The following IL4I1 variants were observed in gnomAD, a reference collection of about 807,000 sequenced individuals.
IL4I1 encodes interleukin 4 induced 1.
IL4I1 carries 24 observed loss-of-function variants against 29.7 expected under a neutral mutation model. The observed-to-expected ratio is 0.81, with a 90% confidence interval of 0.59 to 1.14. The LOEUF (loss-of-function observed/expected upper bound fraction) is 1.14. Ranked by LOEUF, IL4I1 falls within the 50% of genes most tolerant of loss-of-function variation. The probability of loss-of-function intolerance (pLI) is 0.00; values close to 1 mark genes in which losing one functional copy is unlikely to be tolerated. For missense variants in IL4I1, 686 were observed against 785.6 expected, an observed-to-expected ratio of 0.87 and a Z score of 1.52; for synonymous variants, 371 against 352.5, an observed-to-expected ratio of 1.05 and a Z score of -0.59.
At chr19:49,908,948 GTGC>G (rs4031026) in intron 2 of IL4I1, 85 of 1,605,948 alleles carry the variant, frequency 5.3e-5, no homozygotes, top group East Asian at 2.0e-4. Flanking sequence ...AAAGCCGGTG[GTGC>G]TGCTGCTGCT....
In IL4I1 at chr19:49,914,498, C is replaced by A. The variant is rs566662170; in HGVS notation, c.-227-10177G>T. 9.2e-5 allele frequency among the ~76,000 whole-genome samples: 14 copies of A among 152,288 alleles called. No homozygotes were observed. In the South Asian group the frequency reaches 2.7e-3, roughly 29 times the overall value. ...AGCCGCCAGTCCCTTCCCTTCCTGC[C>A]TGCCTGCCCCAACATTTACCCTTGA... On this transcript the variant is annotated intron_variant, in intron 2 of 9. Transcript: ENST00000341114.
upstream of IL4I1, among the ~76,000 whole-genome samples, chr19:49,899,782 C>G (rs1042255872): frequency 6.6e-6 from 1 of 152,140 alleles, no homozygotes; most frequent in Non-Finnish European, 1.5e-5. Flanking sequence ...GTCTCAATCT[C>G]CTGACTTTGT....
At position 49,907,470 on chromosome 19, in the gene IL4I1, T is replaced by C. The variant is rs1180117278; in HGVS notation, c.-227-3149A>G. 2.7e-5 allele frequency: 12 copies of C among 438,336 alleles called. 1 individual carries two copies. Among genetic ancestry groups the C allele is most frequent in the South Asian group, 1.1e-4 (7 of 61,058 alleles). The allele number at this position is 438,336 out of a possible 1,614,324, so 27.2% of individuals were successfully genotyped here. ...CACTGTGCTGCTTTGCCTTGGTGGT[T>C]AGCATGGTTAGCTTTCACAAGCACA... On this transcript the variant is annotated intron_variant, in intron 2 of 9. Coordinates refer to the IL4I1 transcript ENST00000341114.
intron 5 of IL4I1, among the ~76,000 whole-genome samples, chr19:49,893,442 G>A (rs765499261): frequency 2.6e-5 from 4 of 152,014 alleles, no homozygotes; most frequent in Middle Eastern, 3.2e-3. Context: ...CCGTGACTGC[G>A]GGATGGTGGG....
intron 2 of IL4I1, chr19:49,909,021 C>T (rs1223889266): frequency 1.2e-6 from 2 of 1,612,964 alleles, no homozygotes; most frequent in Admixed American, 1.7e-5. Context: ...CCGGAAGCTG[C>T]TCCAGGTGCC....
intron 2 of IL4I1, among the ~76,000 whole-genome samples, chr19:49,924,653 C>G (rs2075842248): frequency 6.6e-6 from 1 of 152,168 alleles, no homozygotes; most frequent in Non-Finnish European, 1.5e-5. Context: ...AGGCCTGGGT[C>G]AGGAATGTGC....
At chr19:49,907,794 C>A (rs957162107) in intron 2 of IL4I1, 1 of 334,092 alleles carries the variant, frequency 3.0e-6, no homozygotes, top group Non-Finnish European at 5.8e-6. Flanking sequence ...CCTTGGCCAC[C>A]CAAAGTGCTG....
At chr19:49,925,469 A>T (rs2075865710) in intron 2 of IL4I1, among the ~76,000 whole-genome samples, 1 of 147,240 alleles carries the variant, frequency 6.8e-6, no homozygotes, top group Non-Finnish European at 1.5e-5. Context: ...AAAAAATAGC[A>T]TCCTACCTGG....
intron 2 of IL4I1, among the ~76,000 whole-genome samples, chr19:49,919,450 G>A (rs1302097377): frequency 5.9e-5 from 9 of 152,266 alleles, no homozygotes; most frequent in Non-Finnish European, 1.0e-4. Context: ...CTCCTCACCC[G>A]GGTAGATGAG....
Position 49,928,586 on chromosome 19 carries a change from C to T in IL4I1, c.-350+740G>A, listed in dbSNP as rs1192549776. Reference sequence around the variant, plus strand: ...TCTGTGCATAAGGCTTGCCAGACATCGTCTTATTTGAGTCTCATAAACCCA... The same window carrying T: ...TCTGTGCATAAGGCTTGCCAGACATTGTCTTATTTGAGTCTCATAAACCCA... On this transcript the variant is annotated intron_variant, in intron 1 of 9. Transcript: ENST00000341114. 9 of 151,762 alleles carry T rather than the reference C, an allele frequency of 5.9e-5. No individual in the cohort carries two copies. The East Asian group carries it at 1.7e-3, about 29-fold the overall frequency. The allele number at this position is 151,762 out of a possible 1,614,324, so 9.4% of individuals were successfully genotyped here.
chr19:49,896,016 G>A lies in IL4I1; in HGVS notation c.51C>T (p.Ser17=). The change falls in exon 3 of 8, where the codon AGC becomes AGT. Residue 17 remains serine (S), a synonymous_variant. Transcript: ENST00000391826. ...HLLVLVPILL[S]LVASQDWKAE... ...CCTTCCAGTCCTGGGAGGCCACCAGGCTGAGGAGGATGGGGACGAGGACGA... is the reference window on the plus strand; with the variant it reads ...CCTTCCAGTCCTGGGAGGCCACCAGACTGAGGAGGATGGGGACGAGGACGA... 2 of 1,614,194 alleles carry A rather than the reference G, an allele frequency of 1.2e-6. No individual in the cohort carries two copies. The highest frequency in any genetic ancestry group is 1.3e-5 in the African/African-American group (1 of 75,052).
chr19:49,897,657 A>G (rs2075228577), upstream of IL4I1, among the ~76,000 whole-genome samples: 1 of 152,102 alleles, frequency 6.6e-6, no homozygotes, highest in African/African-American at 2.4e-5. Context: ...GGCTTCACCC[A>G]TCCCTGCTTT....
intron 2 of IL4I1, among the ~76,000 whole-genome samples, chr19:49,924,070 T>C (rs1336763121): frequency 6.6e-6 from 1 of 152,114 alleles, no homozygotes; most frequent in Non-Finnish European, 1.5e-5. Flanking sequence ...CAGGAATCGA[T>C]AGCGTCTGGC....
upstream of IL4I1, among the ~76,000 whole-genome samples, chr19:49,897,269 C>T (rs375349192): frequency 6.6e-6 from 1 of 152,188 alleles, no homozygotes; most frequent in Admixed American, 6.5e-5. Context: ...GCCAACTTTC[C>T]CCTCCAAGTC....
chr19:49,922,480 G>A (rs1600552036), intron 2 of IL4I1, among the ~76,000 whole-genome samples: 2 of 151,936 alleles, frequency 1.3e-5, no homozygotes, highest in East Asian at 3.9e-4. Context: ...GCCCTACTCC[G>A]TCTCACTGCT....
intron 2 of IL4I1, among the ~76,000 whole-genome samples, chr19:49,911,730 T>C (rs555514230): frequency 6.6e-6 from 1 of 152,306 alleles, no homozygotes; most frequent in Admixed American, 6.5e-5. Flanking sequence ...ACTGGGAGCA[T>C]TCAAAATACA....
chr19:49,894,521 G>C (rs776711349), intron 4 of IL4I1, 52 bp from the exon 5 acceptor site: 2 of 1,490,146 alleles, frequency 1.3e-6, no homozygotes, highest in Non-Finnish European at 1.9e-6. Context: ...GGGTGGCCTG[G>C]TCCCTAGTGG....
At chr19:49,902,505 TCA>T (rs770873905) in intron 3 of IL4I1, among the ~76,000 whole-genome samples, 2 of 151,756 alleles carry the variant, frequency 1.3e-5, no homozygotes, top group Non-Finnish European at 2.9e-5. Flanking sequence ...GAATAGCTCA[TCA>T]CTGAAAAACA....
Position 49,914,622 on chromosome 19 carries a change from C to G in IL4I1, c.-227-10301G>C, listed in dbSNP as rs558881446. Among the ~76,000 whole-genome samples the G allele has an allele frequency of 2.4e-3, 358 of 152,128 alleles. 3 individuals carry two copies. The highest frequency in any genetic ancestry group is 8.4e-3 in the African/African-American group (348 of 41,506). ...TCATCTGAATTCAGGTGGGCATATCCCACCCCCATCTGTGAGAACCAGGGT... is the reference window on the plus strand; with the variant it reads ...TCATCTGAATTCAGGTGGGCATATCGCACCCCCATCTGTGAGAACCAGGGT... On this transcript the variant is annotated intron_variant, in intron 2 of 9. Coordinates refer to the IL4I1 transcript ENST00000341114.
Sources: gnomAD v4.1 joint callset for allele counts (sites outside exome capture counted in the v4.1 genomes callset) on GRCh38, gnomAD v4.1.1 for gene constraint, MANE v1.5 for transcripts, NCBI Gene and HGNC (gene_info 2026-07-23, HGNC 2026-07-21) for gene names.